Variants in LSAMP observed in about 807,000 individuals in gnomAD.
LSAMP encodes the protein limbic system associated membrane protein, also known as limbic system-associated membrane protein.
LSAMP carries 7 observed loss-of-function variants against 38.6 expected under a neutral mutation model. The observed-to-expected ratio is 0.18, with a 90% CI of 0.10 to 0.34. The LOEUF is 0.34. Among genes scored for constraint, LSAMP ranks in the 10% least tolerant of loss-of-function variants. The probability of loss-of-function intolerance (pLI) is 1.00; values close to 1 mark genes in which losing one functional copy is unlikely to be tolerated. For missense variants in LSAMP, 313 were observed against 420.0 expected, an observed-to-expected ratio of 0.75 and a Z score of 2.23; for synonymous variants, 154 against 166.8, an observed-to-expected ratio of 0.92 and a Z score of 0.59.
chr3:115,859,127 G>A (rs901202556), intron 3 of LSAMP, among the ~76,000 whole-genome samples: 1 of 152,122 alleles, frequency 6.6e-6, no homozygotes, highest in Non-Finnish European at 1.5e-5. Context: ...TTGCTTCTCC[G>A]CTTCACATTC....
At chr3:116,348,301 G>GTAATTGCATTCTTGAAAACC (rs2048090822) in intron 1 of LSAMP, among the ~76,000 whole-genome samples, 1 of 152,026 alleles carries the variant, frequency 6.6e-6, no homozygotes, top group African/African-American at 2.4e-5. Context: ...AAACTCAGCT[G>GTAATTGCATTCTTGAAAACC]TAATTGCATT....
At chr3:116,088,781 AC>A (rs1028961707) in intron 1 of LSAMP, among the ~76,000 whole-genome samples, 1 of 152,210 alleles carries the variant, frequency 6.6e-6, no homozygotes, top group Non-Finnish European at 1.5e-5. Context: ...AAGAAAAAAT[AC>A]CACGTAATAT....
chr3:116,114,333 T>G (rs946168417), intron 1 of LSAMP, among the ~76,000 whole-genome samples: 3 of 152,176 alleles, frequency 2.0e-5, no homozygotes, highest in African/African-American at 4.8e-5. Flanking sequence ...TAGCTTACCC[T>G]GTGGAACAAT....
At chr3:116,388,249 C>A (rs2048649495) in intron 1 of LSAMP, among the ~76,000 whole-genome samples, 1 of 152,094 alleles carries the variant, frequency 6.6e-6, no homozygotes, top group African/African-American at 2.4e-5. Flanking sequence ...CATACATTGA[C>A]CCTATTTTTC....
intron 6 of LSAMP, among the ~76,000 whole-genome samples, chr3:115,813,832 A>T (rs1933921408): frequency 6.6e-6 from 1 of 152,226 alleles, no homozygotes; most frequent in African/African-American, 2.4e-5. Flanking sequence ...TATTTGTGGA[A>T]ATGCAAATGA....
intron 6 of LSAMP, among the ~76,000 whole-genome samples, chr3:115,835,253 T>A (rs1934746731): frequency 6.6e-6 from 1 of 152,136 alleles, no homozygotes; most frequent in South Asian, 2.1e-4. Context: ...GATCAACCAA[T>A]CAAATTTGCT....
intron 1 of LSAMP, among the ~76,000 whole-genome samples, chr3:116,170,106 C>T (rs1333212749): frequency 1.3e-5 from 2 of 150,926 alleles, no homozygotes; most frequent in Admixed American, 6.6e-5. Flanking sequence ...AAGATGCCAA[C>T]ATTTTTTTAA....
chr3:116,197,163 A>ACACACACACACTCTCTCT (rs1268040540), intron 1 of LSAMP, among the ~76,000 whole-genome samples: 1 of 139,088 alleles, frequency 7.2e-6, no homozygotes, highest in African/African-American at 2.6e-5. Context: ...ACACACACAC[A>ACACACACACACTCTCTCT]CTCTCTCTCT....
chr3:116,147,917 G>T (rs1187866314), intron 1 of LSAMP, among the ~76,000 whole-genome samples: 2 of 151,658 alleles, frequency 1.3e-5, no homozygotes, highest in Non-Finnish European at 2.9e-5. Context: ...TTTCGTCTGG[G>T]TCTAACTCTT....
intron 3 of LSAMP, among the ~76,000 whole-genome samples, chr3:115,877,631 G>A (rs1936216626): frequency 6.6e-6 from 1 of 152,142 alleles, no homozygotes; most frequent in African/African-American, 2.4e-5. Context: ...ACTAGAAGCA[G>A]AGGAAAGTTT....
At chr3:116,215,343 C>A (rs13316221) in intron 1 of LSAMP, among the ~76,000 whole-genome samples, 1 of 151,936 alleles carries the variant, frequency 6.6e-6, no homozygotes, top group African/African-American at 2.4e-5. Context: ...AACATGAGAC[C>A]GATTTCTGGC....
chr3:116,225,400 C>T (rs1022435428), intron 1 of LSAMP, among the ~76,000 whole-genome samples: 7 of 152,128 alleles, frequency 4.6e-5, no homozygotes, highest in Admixed American at 2.6e-4. Context: ...CCTCTAGAGC[C>T]GTCAGAGGGA....
chr3:115,990,491 G>C (rs1939636823), intron 3 of LSAMP, among the ~76,000 whole-genome samples: 1 of 151,994 alleles, frequency 6.6e-6, no homozygotes, highest in Non-Finnish European at 1.5e-5. Flanking sequence ...AAGGTCATGT[G>C]TAAGAGAAGT....
chr3:115,818,819 T>TATATATATATATATATATATATATATAA (rs1254726096), intron 6 of LSAMP, among the ~76,000 whole-genome samples: 1 of 126,646 alleles, frequency 7.9e-6, no homozygotes, highest in Non-Finnish European at 1.7e-5. Flanking sequence ...TATATATATA[T>TATATATATATATATATATATATATATAA]ATAACTGCAG....
At chr3:116,157,785 A>C (rs553616941) in intron 1 of LSAMP, among the ~76,000 whole-genome samples, 24 of 152,240 alleles carry the variant, frequency 1.6e-4, no homozygotes, top group African/African-American at 5.8e-4. Context: ...TATAAAGAAG[A>C]GCTGGCACCA....
intron 1 of LSAMP, among the ~76,000 whole-genome samples, chr3:116,407,089 A>G (rs868192687): frequency 2.6e-5 from 4 of 152,014 alleles, no homozygotes; most frequent in Admixed American, 6.6e-5. Flanking sequence ...GTTCTTTAAG[A>G]AGACTGATAA....
At chr3:115,878,521 G>T (rs1266689366) in intron 3 of LSAMP, among the ~76,000 whole-genome samples, 1 of 127,538 alleles carries the variant, frequency 7.8e-6, no homozygotes, top group East Asian at 2.4e-4. Context: ...GAGTGCAGTG[G>T]TACGATCTCA....
chr3:116,260,588 G>A (rs188808813), intron 1 of LSAMP, among the ~76,000 whole-genome samples: 1 of 152,104 alleles, frequency 6.6e-6, no homozygotes, highest in Non-Finnish European at 1.5e-5. Context: ...TAATCTTCTA[G>A]GGCTTTAGTA....
intron 6 of LSAMP, chr3:115,816,558 T>C: frequency 9.6e-7 from 1 of 1,042,116 alleles, no homozygotes; most frequent in South Asian, 1.4e-5. Flanking sequence ...CAACAATATA[T>C]TGCTGTGAAA....
Sources: gnomAD v4.1 joint callset for allele counts (sites outside exome capture counted in the v4.1 genomes callset) on GRCh38, gnomAD v4.1.1 for gene constraint, MANE v1.5 for transcripts, NCBI Gene and HGNC (gene_info 2026-07-23, HGNC 2026-07-21) for gene names.